Variants in ABCC1 observed in about 807,000 individuals in gnomAD.
ABCC1 encodes the protein multidrug resistance-associated protein 1.
ABCC1 carries 83 observed loss-of-function variants against 172.9 expected under a neutral mutation model. The ratio of observed to expected loss-of-function variants is 0.48; its 90% CI spans 0.40 to 0.58. ABCC1 has a LOEUF of 0.58. Ranked by LOEUF, ABCC1 falls within the 20% of genes least tolerant of loss-of-function variation. The probability of loss-of-function intolerance (pLI) is 0.00; values close to 1 mark genes in which losing one functional copy is unlikely to be tolerated. For missense variants in ABCC1, 1,817 were observed against 2,002.7 expected (o/e 0.91, Z 1.77); for synonymous variants, 937 against 825.2 (o/e 1.14, Z -2.32).
In ABCC1 at chr16:16,071,620, C is replaced by G. The variant is rs45487499; in HGVS notation, c.1825-22C>G. On this transcript the variant is annotated intron_variant, in intron 13 of 30. Transcript: ENST00000399410. ...AAATGCTTTTTAAAAATAACTCTCCCCTGCCATTGCTCTCTGTACAGGCGA... is the reference window on the plus strand; with the variant it reads ...AAATGCTTTTTAAAAATAACTCTCCGCTGCCATTGCTCTCTGTACAGGCGA... 2,226 of 1,608,312 alleles carry G rather than the reference C, an allele frequency of 1.4e-3. 20 individuals carry two copies. The African/African-American group carries it at 0.024, about 17-fold the overall frequency.
At chr16:15,993,530 G>A (rs2046946007) in intron 1 of ABCC1, among the ~76,000 whole-genome samples, 1 of 152,090 alleles carries the variant, frequency 6.6e-6, no homozygotes, top group Admixed American at 6.6e-5. Flanking sequence ...TTGAGGAGGT[G>A]GGGAGTGCTA....
chr16:16,003,034 A>T (rs1410082991), intron 1 of ABCC1, among the ~76,000 whole-genome samples: 16 of 152,212 alleles, frequency 1.1e-4, no homozygotes, highest in Admixed American at 1.0e-3. Flanking sequence ...ATTACCTATT[A>T]AAAATAATTA....
At chr16:16,016,244 C>T (rs34085651) in intron 4 of ABCC1, among the ~76,000 whole-genome samples, 18,275 of 149,060 alleles carry the variant, frequency 0.12, 1,490 homozygotes, top group African/African-American at 0.23. Context: ...GCCTCCGCCT[C>T]CTGGGTTCAA....
intron 21 of ABCC1, among the ~76,000 whole-genome samples, chr16:16,107,739 C>T (rs1326242855): frequency 2.6e-5 from 4 of 151,908 alleles, no homozygotes; most frequent in African/African-American, 7.3e-5. Flanking sequence ...TTTTAAAGAT[C>T]GTCTATTTTG....
intron 1 of ABCC1, among the ~76,000 whole-genome samples, chr16:15,977,496 A>G (rs2046521333): frequency 6.6e-6 from 1 of 151,774 alleles, no homozygotes; most frequent in African/African-American, 2.4e-5. Flanking sequence ...TCGGTCTCCC[A>G]AAATACTGGG....
In ABCC1 at chr16:16,085,683, G is replaced by A. The variant is rs747054274; in HGVS notation, c.2293-1141G>A. ...TGGTCCCAGCCACTTAGGGGGCTGA[G>A]GTGAGAGGATTGCTTGAACCTGGGA... is the stretch of plus-strand genomic sequence containing the variant. On this transcript the variant is annotated intron_variant, in intron 17 of 30. Coordinates refer to ENST00000399410, the MANE Select transcript of ABCC1 (RefSeq NM_004996.4). 3.3e-5 allele frequency among the ~76,000 whole-genome samples: 5 copies of A among 152,316 alleles called. No homozygotes were observed. The South Asian group carries it at 1.0e-3, about 32-fold the overall frequency.
chr16:16,123,823 G>A (rs1231633275), intron 24 of ABCC1, among the ~76,000 whole-genome samples: 1 of 152,052 alleles, frequency 6.6e-6, no homozygotes, highest in African/African-American at 2.4e-5. Context: ...ACCAGCCTGG[G>A]CACTCTAGGG....
chr16:16,019,585 C>T (rs1360604538), intron 5 of ABCC1, among the ~76,000 whole-genome samples: 1 of 152,136 alleles, frequency 6.6e-6, no homozygotes, highest in Non-Finnish European at 1.5e-5. Flanking sequence ...ATGGATGGTT[C>T]TGGAAGCTTT....
Position 16,068,299 on chromosome 16 carries a change from G to A in ABCC1, c.1821G>A (p.Val607=). 2 of 1,614,070 alleles carry A rather than the reference G, an allele frequency of 1.2e-6. No homozygotes were observed. The highest frequency in any genetic ancestry group is 8.5e-7 in the Non-Finnish European group (1 of 1,180,024). ...TCCCCATGGTCATCAGCAGCATCGT[G>A]CAGGTACAGGGGGAAGCTGGGGCGA... ...NILPMVISSI[V]QASVSLKRLR... The change falls in exon 13 of 31, where the codon GTG becomes GTA. Residue 607 remains valine (V), a synonymous_variant. Coordinates refer to ENST00000399410, the MANE Select transcript of ABCC1 (RefSeq NM_004996.4).
chr16:15,981,961 A>C (rs191644254), intron 1 of ABCC1, among the ~76,000 whole-genome samples: 31 of 152,262 alleles, frequency 2.0e-4, no homozygotes, highest in African/African-American at 7.5e-4. Context: ...CAAAGGCAAA[A>C]TGCTGCCACT....
chr16:16,048,378 G>T (rs964496818), intron 10 of ABCC1, 75 bp downstream of exon 10: 2 of 1,552,380 alleles, frequency 1.3e-6, no homozygotes, highest in Non-Finnish European at 1.8e-6. Flanking sequence ...GAGGGAGTGG[G>T]TGTTGATGGT....
chr16:16,089,812 C>T lies in ABCC1; in HGVS notation c.2461-593C>T, dbSNP rs373999272. 1.0e-3 allele frequency among the ~76,000 whole-genome samples: 154 copies of T among 148,392 alleles called. No individual in the cohort carries two copies. The South Asian group carries it at 0.012, about 11-fold the overall frequency. On this transcript the variant is annotated intron_variant, in intron 18 of 30. Coordinates refer to ENST00000399410, the MANE Select transcript of ABCC1 (RefSeq NM_004996.4). ...ACGGGAATTGCTTGAACCCGGGAGG[C>T]GGAGGTTGCAGTGAGCCGAGACTGT... is the stretch of plus-strand genomic sequence containing the variant.
At chr16:15,978,597 G>A (rs2046547151) in intron 1 of ABCC1, among the ~76,000 whole-genome samples, 1 of 152,110 alleles carries the variant, frequency 6.6e-6, no homozygotes, top group South Asian at 2.1e-4. Flanking sequence ...CTGAGGGCAG[G>A]ATATAAATGT....
chr16:16,087,070 CCTTTA>C, intron 18 of ABCC1, 79 bp downstream of exon 18: 11 of 1,462,714 alleles, frequency 7.5e-6, no homozygotes, highest in Non-Finnish European at 1.0e-5. Flanking sequence ...CTTTAGGAGT[CCTTTA>C]CTTTCTCTGG....
Position 16,033,503 on chromosome 16 carries a change from T to C in ABCC1, c.677+333T>C, listed in dbSNP as rs1162034397. 2.6e-5 allele frequency among the ~76,000 whole-genome samples: 4 copies of C among 152,192 alleles called. No homozygotes were observed. In the East Asian group the frequency reaches 7.7e-4, roughly 29 times the overall value. The stretch of plus-strand genomic sequence containing the variant: ...TTAGGTATAGTTATTATTGACATTG[T>C]CCCCCTCCTGTCCCCCACGCCTTAG... On this transcript the variant is annotated intron_variant, in intron 6 of 30. Transcript: ENST00000399410.
intron 6 of ABCC1, among the ~76,000 whole-genome samples, chr16:16,035,454 T>C (rs542929936): frequency 2.0e-5 from 3 of 151,880 alleles, no homozygotes; most frequent in Non-Finnish European, 4.4e-5. Flanking sequence ...TGCTTTGTCA[T>C]GTCAGCCTTT....
At chr16:15,984,545 C>T (rs543149478) in intron 1 of ABCC1, among the ~76,000 whole-genome samples, 4 of 149,740 alleles carry the variant, frequency 2.7e-5, no homozygotes, top group East Asian at 2.0e-4. Flanking sequence ...CAGTTTCAAG[C>T]GATTCTCCTG....
rs942064987 is a variant in ABCC1, at chr16:16,048,255, C to A, written c.1332C>A (p.Ile444=). The change falls in exon 10 of 31, where the codon ATC becomes ATA. Residue 444 remains isoleucine (I), a synonymous_variant. Coordinates refer to ENST00000399410, the MANE Select transcript of ABCC1 (RefSeq NM_004996.4). ...ACTTGGCCACGTACATTAACATGAT[C>A]TGGTCAGCCCCCCTGCAAGTCATCC... is the stretch of plus-strand genomic sequence containing the variant. ...FMDLATYINM[I]WSAPLQVILA... 36 of 1,614,194 alleles carry A rather than the reference C, an allele frequency of 2.2e-5. No individual in the cohort carries two copies. Among genetic ancestry groups the A allele is most frequent in the Non-Finnish European group, 3.0e-5 (35 of 1,180,024 alleles).
Position 16,134,457 on chromosome 16 carries a change from C to T in ABCC1, c.4074C>T (p.Ile1358=), listed in dbSNP as rs769980148. 7.4e-6 allele frequency: 12 copies of T among 1,614,028 alleles called. No homozygotes were observed. Among genetic ancestry groups the T allele is most frequent in the African/African-American group, 4.0e-5 (3 of 74,920 alleles). ...AGATCATCATCGATGGCATCAACAT[C>T]GCCAAGATCGGCCTGCACGACCTCC... is the stretch of plus-strand genomic sequence containing the variant. ...EGEIIIDGIN[I]AKIGLHDLRF... The change falls in exon 28 of 31, where the codon ATC becomes ATT. Residue 1358 remains isoleucine (I), a synonymous_variant. Coordinates refer to ENST00000399410, the MANE Select transcript of ABCC1 (RefSeq NM_004996.4).
Sources: gnomAD v4.1 joint callset for allele counts (sites outside exome capture counted in the v4.1 genomes callset) on GRCh38, gnomAD v4.1.1 for gene constraint, MANE v1.5 for transcripts, NCBI Gene and HGNC (gene_info 2026-07-23, HGNC 2026-07-21) for gene names.